Variants in TCF12 observed in about 807,000 individuals in gnomAD.
TCF12 encodes the protein transcription factor 12.
A neutral mutation model predicts 86.0 loss-of-function variants in TCF12; 45 were observed. The observed-to-expected ratio is 0.52, with a 90% CI of 0.41 to 0.67. The LOEUF (loss-of-function observed/expected upper bound fraction) is 0.67. TCF12 is among the 30% of genes least tolerant of loss of function. The probability of loss-of-function intolerance (pLI) is 0.00; values close to 1 mark genes in which losing one functional copy is unlikely to be tolerated. For synonymous variants in TCF12, 330 were observed against 299.6 expected (o/e 1.10, Z -1.05); for missense variants, 881 against 859.9 (o/e 1.02, Z -0.31).
rs184515481 is a variant in TCF12 at position 57,172,724 on chromosome 15, C to T, written c.390+6258C>T. 2.6e-5 allele frequency among the ~76,000 whole-genome samples: 4 copies of T among 152,046 alleles called. No individual in the cohort carries two copies. The East Asian group carries it at 5.8e-4, about 22-fold the overall frequency. ...ATGAAATAACGTGTACAAACCTCCC[C>T]GACACGAGTTTACCTATATAACAAA... On this transcript the variant is annotated intron_variant, in intron 6 of 20. Transcript: ENST00000333725.
chr15:56,940,664 CCTT>C (rs1229587698), intron 3 of TCF12, among the ~76,000 whole-genome samples: 1 of 147,092 alleles, frequency 6.8e-6, no homozygotes, highest in Non-Finnish European at 1.5e-5. Context: ...TCCTCCCTAT[CCTT>C]CTCCCTCTCC....
chr15:56,967,864 T>G (rs1380445181), intron 3 of TCF12, among the ~76,000 whole-genome samples: 5 of 151,370 alleles, frequency 3.3e-5, no homozygotes, highest in Non-Finnish European at 5.9e-5. Flanking sequence ...GTGAATGTTG[T>G]TTTTTTTTAA....
chr15:56,937,011 T>A (rs567499842), intron 3 of TCF12, among the ~76,000 whole-genome samples: 1 of 152,322 alleles, frequency 6.6e-6, no homozygotes, highest in Admixed American at 6.5e-5. Context: ...TGAAGAATGA[T>A]CATGGTATTT....
chr15:56,946,549 C>T (rs2061005353), intron 3 of TCF12, among the ~76,000 whole-genome samples: 2 of 151,976 alleles, frequency 1.3e-5, no homozygotes, highest in Admixed American at 1.3e-4. Context: ...CCTTTTTATT[C>T]TGGGCCTATT....
At chr15:57,267,027 T>TA (rs1364374549) in intron 18 of TCF12, among the ~76,000 whole-genome samples, 2 of 152,284 alleles carry the variant, frequency 1.3e-5, no homozygotes, top group East Asian at 3.9e-4. Context: ...ATGCTGTCTC[T>TA]AAAAAAAGAC....
At chr15:57,189,640 T>A (rs945501057) in intron 6 of TCF12, among the ~76,000 whole-genome samples, 2 of 152,176 alleles carry the variant, frequency 1.3e-5, no homozygotes, top group Non-Finnish European at 2.9e-5. Context: ...CTAGTTGGAA[T>A]GTAAAATAGT....
chr15:57,278,986 TCTTTTCTTTCCTTTC>T (rs2061556730), intron 19 of TCF12, among the ~76,000 whole-genome samples: 1 of 151,042 alleles, frequency 6.6e-6, no homozygotes, highest in Non-Finnish European at 1.5e-5. Context: ...TCTTGTATTT[TCTTTTCTTTCCTTTC>T]CTTTTCTTTC....
intron 5 of TCF12, among the ~76,000 whole-genome samples, chr15:57,152,612 G>A (rs1483609824): frequency 1.1e-4 from 16 of 151,642 alleles, no homozygotes; most frequent in Admixed American, 1.1e-3. Context: ...GAAGAAATGG[G>A]TGAACTTGAA....
chr15:57,043,823 A>C (rs576423998), intron 3 of TCF12, among the ~76,000 whole-genome samples: 1 of 152,322 alleles, frequency 6.6e-6, no homozygotes, highest in African/African-American at 2.4e-5. Context: ...TAAACTTCAG[A>C]AATTTTGGAA....
chr15:57,205,124 C>G (rs1394396185), intron 8 of TCF12, among the ~76,000 whole-genome samples: 5 of 151,882 alleles, frequency 3.3e-5, no homozygotes, highest in African/African-American at 9.7e-5. Flanking sequence ...ATCTGCCTAG[C>G]CAACATAATG....
At chr15:57,091,617 TAAA>T (rs2048998451) in intron 4 of TCF12, among the ~76,000 whole-genome samples, 169 bp from the exon 5 acceptor site, 1 of 152,200 alleles carries the variant, frequency 6.6e-6, no homozygotes, top group Admixed American at 6.5e-5. Context: ...CTTAAAATCT[TAAA>T]AGGAATAAAA....
intron 3 of TCF12, among the ~76,000 whole-genome samples, chr15:56,928,698 G>A (rs1276121822): frequency 6.6e-6 from 1 of 152,170 alleles, no homozygotes; most frequent in Admixed American, 6.5e-5. Flanking sequence ...ATAATGAAGA[G>A]AATGTGTACA....
chr15:57,170,673 AT>A (rs2055294428), intron 6 of TCF12, among the ~76,000 whole-genome samples: 4 of 5,860 alleles, frequency 6.8e-4, no homozygotes, highest in Middle Eastern at 0.12. Context: ...ATATATATAT[AT>A]AATATATTAT....
intron 3 of TCF12, among the ~76,000 whole-genome samples, chr15:57,059,181 T>G (rs2068257613): frequency 6.6e-6 from 1 of 152,212 alleles, no homozygotes; most frequent in Non-Finnish European, 1.5e-5. Context: ...AATAAAAATT[T>G]GATTTCAGTG....
At chr15:57,021,196 C>G (rs2065457651) in intron 3 of TCF12, among the ~76,000 whole-genome samples, 2 of 152,102 alleles carry the variant, frequency 1.3e-5, no homozygotes, top group South Asian at 4.1e-4. Context: ...TCTTGTTAGT[C>G]ATTGGGCAGA....
At chr15:56,932,571 A>G (rs983361171) in intron 3 of TCF12, among the ~76,000 whole-genome samples, 1 of 151,936 alleles carries the variant, frequency 6.6e-6, no homozygotes, top group East Asian at 1.9e-4. Flanking sequence ...AATTATTATT[A>G]TTATTATTAT....
intron 8 of TCF12, among the ~76,000 whole-genome samples, chr15:57,228,582 GT>G (rs758143707): frequency 1.6e-4 from 24 of 152,080 alleles, no homozygotes; most frequent in Non-Finnish European, 2.9e-4. Context: ...GTCTCTTTCT[GT>G]GCTTTGTGTG....
chr15:57,154,104 C>T (rs776142627), intron 5 of TCF12, among the ~76,000 whole-genome samples: 12 of 151,978 alleles, frequency 7.9e-5, no homozygotes, highest in South Asian at 2.1e-4. Flanking sequence ...TAAATCCAGC[C>T]ATATCAGTAA....
intron 6 of TCF12, among the ~76,000 whole-genome samples, chr15:57,170,660 AATAT>A (rs35516503): frequency 5.6e-4 from 30 of 53,972 alleles, no homozygotes; most frequent in Middle Eastern, 8.8e-3. Flanking sequence ...TATTATATAA[AATAT>A]ATATATATAT....
Sources: allele counts gnomAD v4.1 joint callset (sites outside exome capture counted in the v4.1 genomes callset), GRCh38; gene constraint gnomAD v4.1.1; transcripts MANE v1.5; gene names NCBI Gene and HGNC (gene_info 2026-07-23, HGNC 2026-07-21).